Variants in GPHN observed in about 807,000 individuals in gnomAD.
GPHN encodes gephyrin.
GPHN carries 17 observed loss-of-function variants against 95.5 expected under a neutral mutation model. The ratio of observed to expected loss-of-function variants is 0.18; its 90% CI spans 0.12 to 0.27. GPHN has a LOEUF of 0.27. Among genes scored for constraint, GPHN ranks in the 10% least tolerant of loss-of-function variants. The probability of loss-of-function intolerance (pLI) is 1.00; values close to 1 mark genes in which losing one functional copy is unlikely to be tolerated. For missense variants in GPHN, 660 were observed against 978.1 expected (o/e 0.67, Z 4.34); for synonymous variants, 320 against 322.5 (o/e 0.99, Z 0.08).
the GPHN span, chr14:67,600,102 A>G: frequency 6.3e-7 from 1 of 1,596,342 alleles, no homozygotes; most frequent in East Asian, 2.3e-5. Flanking sequence ...GCGAGAGCCG[A>G]GGGCAGCTGA....
At chr14:66,911,454 A>C (rs528305819) in intron 5 of GPHN, among the ~76,000 whole-genome samples, 1 of 152,134 alleles carries the variant, frequency 6.6e-6, no homozygotes, top group South Asian at 2.1e-4. Flanking sequence ...GCTGTTTTAC[A>C]AAAAAGTAAG....
chr14:66,629,091 A>G (rs2063635617), intron 1 of GPHN, among the ~76,000 whole-genome samples: 1 of 139,702 alleles, frequency 7.2e-6, no homozygotes, highest in Non-Finnish European at 1.5e-5. Flanking sequence ...ATATATATAT[A>G]TATAAATATA....
chr14:66,715,278 G>A (rs2153424451), intron 2 of GPHN, among the ~76,000 whole-genome samples: 1 of 152,234 alleles, frequency 6.6e-6, no homozygotes, highest in East Asian at 1.9e-4. Flanking sequence ...GGTGTCCGTA[G>A]TAGCCTTGAA....
chr14:66,913,960 G>A (rs986758817), intron 5 of GPHN, among the ~76,000 whole-genome samples: 2 of 152,020 alleles, frequency 1.3e-5, no homozygotes, highest in Non-Finnish European at 2.9e-5. Context: ...AGATGAAAAA[G>A]TATGTCTTAA....
rs2060442741 is a variant in GPHN, at chr14:66,803,703, G to T, written c.202-20771G>T. Among the ~76,000 whole-genome samples the T allele has an allele frequency of 1.3e-5, 2 of 151,394 alleles. 1 individual carries two copies. Among genetic ancestry groups the T allele is most frequent in the South Asian group, 4.2e-4 (2 of 4,784 alleles). ...TTTTTCCTCTTTCTTTTTTCTTGTT[G>T]TTTACTTTCTCTGCATCAGTTTGTG... is the stretch of plus-strand genomic sequence containing the variant. On this transcript the variant is annotated intron_variant, in intron 3 of 22. Transcript: ENST00000478722.
the GPHN span, chr14:67,600,350 T>A: frequency 7.7e-6 from 5 of 649,384 alleles, no homozygotes; most frequent in Middle Eastern, 3.8e-4. Context: ...CGCCGAGAGC[T>A]CTGCTGGGGG....
intron 9 of GPHN, among the ~76,000 whole-genome samples, chr14:67,017,482 A>G (rs1197839794): frequency 6.6e-6 from 1 of 152,062 alleles, no homozygotes; most frequent in African/African-American, 2.4e-5. Context: ...AGTAGATGGT[A>G]CTCAAAGAAG....
At chr14:66,648,120 A>G (rs1016954265) in intron 1 of GPHN, among the ~76,000 whole-genome samples, 1 of 152,168 alleles carries the variant, frequency 6.6e-6, no homozygotes, top group African/African-American at 2.4e-5. Flanking sequence ...AAAGCTTTTA[A>G]CTGTGTTCAC....
At chr14:67,382,649 G>A in the GPHN span, 4 of 1,584,114 alleles carry the variant, frequency 2.5e-6, no homozygotes, top group Admixed American at 1.7e-5. Context: ...AGGAGTTCTT[G>A]TAGGTAAATA....
intron 17 of GPHN, among the ~76,000 whole-genome samples, chr14:67,125,610 G>C (rs536353921): frequency 6.6e-6 from 1 of 152,128 alleles, no homozygotes; most frequent in East Asian, 1.9e-4. Flanking sequence ...ACCCCCGTCT[G>C]TACTAAAAAT....
At chr14:67,386,457 A>G in the GPHN span, 1 of 152,252 alleles carries the variant, frequency 6.6e-6, no homozygotes, top group African/African-American at 2.4e-5. Context: ...GAATGCTGGC[A>G]ATAGCTTGTG....
chr14:67,676,403 C>T, the GPHN span, among the ~76,000 whole-genome samples: 2,270 of 152,200 alleles, frequency 0.015, 35 homozygotes, highest in Middle Eastern at 0.054. Context: ...GGACTTGTCA[C>T]AGTACAGAAA....
At chr14:66,808,390 G>A (rs1215191025) in intron 3 of GPHN, among the ~76,000 whole-genome samples, 4 of 152,028 alleles carry the variant, frequency 2.6e-5, no homozygotes, top group Non-Finnish European at 5.9e-5. Flanking sequence ...TAATGTATTG[G>A]CTTGTCAATC....
chr14:66,661,586 G>A (rs1387891736), intron 1 of GPHN, among the ~76,000 whole-genome samples: 2 of 151,894 alleles, frequency 1.3e-5, no homozygotes, highest in East Asian at 1.9e-4. Flanking sequence ...AGTCCAAACC[G>A]ACCAGGGCAG....
chr14:67,500,396 C>A, the GPHN span, among the ~76,000 whole-genome samples: 1 of 151,896 alleles, frequency 6.6e-6, no homozygotes, highest in Non-Finnish European at 1.5e-5. Context: ...ATCTCTTGAA[C>A]CCGAGAGGCA....
chr14:67,428,749 G>T, the GPHN span, among the ~76,000 whole-genome samples: 1 of 152,344 alleles, frequency 6.6e-6, no homozygotes, highest in East Asian at 1.9e-4. Context: ...TCCAACCTCA[G>T]GCTTGAGGGC....
the GPHN span, among the ~76,000 whole-genome samples, chr14:67,552,788 AAAG>A: frequency 6.6e-6 from 1 of 151,814 alleles, no homozygotes; most frequent in African/African-American, 2.4e-5. Flanking sequence ...ACAAAAACAA[AAAG>A]AAGGACTGGG....
the GPHN span, chr14:67,208,565 G>A: frequency 9.2e-7 from 1 of 1,087,108 alleles, no homozygotes; most frequent in Non-Finnish European, 1.3e-6. Context: ...AGAGACAGAT[G>A]TAGTGTAACT....
the GPHN span, among the ~76,000 whole-genome samples, chr14:67,590,654 G>A: frequency 1.4e-4 from 21 of 152,182 alleles, no homozygotes; most frequent in African/African-American, 2.9e-4. Flanking sequence ...CCATGGTGCC[G>A]GGACCACATG....
Sources: gnomAD v4.1 joint callset for allele counts (sites outside exome capture counted in the v4.1 genomes callset) on GRCh38, gnomAD v4.1.1 for gene constraint, MANE v1.5 for transcripts, NCBI Gene and HGNC (gene_info 2026-07-23, HGNC 2026-07-21) for gene names.